Variants in RBFOX1 observed in about 807,000 individuals in gnomAD.
The protein encoded by RBFOX1 is RNA binding protein fox-1 homolog 1.
RBFOX1 carries 8 observed loss-of-function variants against 57.7 expected under a neutral mutation model. The observed-to-expected ratio is 0.14, with a 90% CI of 0.08 to 0.25. RBFOX1 has a LOEUF of 0.25. RBFOX1 is among the 10% of genes least tolerant of loss of function. The probability of loss-of-function intolerance (pLI) is 1.00; values close to 1 mark genes in which losing one functional copy is unlikely to be tolerated. For missense variants in RBFOX1, 611 were observed against 548.5 expected, an observed-to-expected ratio of 1.11 and a Z score of -1.14; for synonymous variants, 326 against 222.4, an observed-to-expected ratio of 1.47 and a Z score of -4.15.
chr16:6,904,310 C>T (rs1283790914), intron 3 of RBFOX1, among the ~76,000 whole-genome samples: 1 of 151,978 alleles, frequency 6.6e-6, no homozygotes, highest in Non-Finnish European at 1.5e-5. Context: ...TGAAACCCAT[C>T]CATCTTTAGG....
At chr16:6,179,995 G>A (rs914953061) in intron 1 of RBFOX1, among the ~76,000 whole-genome samples, 3 of 152,178 alleles carry the variant, frequency 2.0e-5, no homozygotes, top group Middle Eastern at 3.2e-3. Context: ...TATGGTGTAT[G>A]TCAGGGTTTA....
intron 3 of RBFOX1, among the ~76,000 whole-genome samples, chr16:6,756,855 G>A (rs1989023): frequency 0.93 from 141,845 of 151,950 alleles, 66,992 homozygotes; most frequent in East Asian, 1. Flanking sequence ...GACACCTGTA[G>A]TCACAGCTCC....
intron 2 of RBFOX1, among the ~76,000 whole-genome samples, chr16:6,501,361 A>G (rs1312667050): frequency 7.4e-6 from 1 of 134,816 alleles, no homozygotes; most frequent in African/African-American, 2.9e-5. Context: ...TCACTGTTCA[A>G]TTCCCACCTA....
intron 5 of RBFOX1, among the ~76,000 whole-genome samples, chr16:7,541,669 G>T (rs1298958580): frequency 6.6e-6 from 1 of 152,170 alleles, no homozygotes; most frequent in African/African-American, 2.4e-5. Flanking sequence ...TTTCGGGAAA[G>T]CTCAAAAGAA....
intron 3 of RBFOX1, among the ~76,000 whole-genome samples, chr16:6,866,539 C>CTTTTT (rs1161474639): frequency 2.0e-5 from 1 of 49,090 alleles, no homozygotes; most frequent in African/African-American, 1.2e-4. Flanking sequence ...TTCTTTCCTT[C>CTTTTT]TATTTTTTTT....
intron 10 of RBFOX1, among the ~76,000 whole-genome samples, chr16:7,615,750 C>G (rs1053000238): frequency 6.6e-6 from 1 of 152,062 alleles, no homozygotes; most frequent in Non-Finnish European, 1.5e-5. Context: ...GAGTGTTGTT[C>G]ACTGCTGACA....
At position 5,946,188 on chromosome 16, in the gene RBFOX1, C is replaced by A. The variant is rs117990389; in HGVS notation, c.351+78853C>A. On this transcript the variant is annotated intron_variant, in intron 4 of 19. Transcript: ENST00000641259. This position sits in a 1 kb window ranked among gnomAD's most constrained non-coding sequence, Gnocchi z 4.6. Reference sequence around the variant, plus strand: ...TGTGATGGAAAGTGCACAGACGGCCCGAGGTGGGGGCCAGGCTCTGCCACA... The same window carrying A: ...TGTGATGGAAAGTGCACAGACGGCCAGAGGTGGGGGCCAGGCTCTGCCACA... 2.0e-5 allele frequency among the ~76,000 whole-genome samples: 3 copies of A among 152,116 alleles called. No homozygotes were observed. The highest frequency in any genetic ancestry group is 4.4e-5 in the Non-Finnish European group (3 of 68,020).
intron 2 of RBFOX1, chr16:6,483,846 T>A (rs1323199340): frequency 8.3e-7 from 1 of 1,208,666 alleles, no homozygotes; most frequent in African/African-American, 1.6e-5. Flanking sequence ...TGGCCGTGGA[T>A]GGAATCCGGG....
At chr16:6,118,467 T>C (rs970676370) in intron 1 of RBFOX1, among the ~76,000 whole-genome samples, 1 of 152,176 alleles carries the variant, frequency 6.6e-6, no homozygotes, top group Non-Finnish European at 1.5e-5. Context: ...CTTGTTGCCA[T>C]GTCATCACAC....
intron 3 of RBFOX1, among the ~76,000 whole-genome samples, chr16:6,903,731 A>AG (rs1242456033): frequency 6.6e-6 from 1 of 152,066 alleles, no homozygotes; most frequent in Admixed American, 6.5e-5. Context: ...AGGGACTAAT[A>AG]GGACCTCAAA....
intron 3 of RBFOX1, among the ~76,000 whole-genome samples, chr16:5,702,404 C>T (rs902706541): frequency 6.6e-6 from 1 of 152,186 alleles, no homozygotes; most frequent in African/African-American, 2.4e-5. Context: ...AGTCACCTCC[C>T]ACCGTGTCCC....
In RBFOX1 at chr16:6,817,251, C is replaced by T. The variant is rs544870405; in HGVS notation, c.-16+162601C>T. ...AGATTTTAAAGTGGAATCAGACACC[C>T]AGGTAACATACTTCTGACCACCTTA... On this transcript the variant is annotated intron_variant, in intron 3 of 15. Transcript: ENST00000550418. Among the ~76,000 whole-genome samples the T allele has an allele frequency of 4.6e-5, 7 of 152,190 alleles. No homozygotes were observed. In the East Asian group the frequency reaches 1.4e-3, roughly 29 times the overall value.
chr16:5,280,409 G>A lies in RBFOX1; in HGVS notation c.219+40304G>A, dbSNP rs141911522. 3.7e-3 allele frequency among the ~76,000 whole-genome samples: 565 copies of A among 152,214 alleles called. 4 individuals are homozygous for A. Among genetic ancestry groups the A allele is most frequent in the African/African-American group, 0.013 (542 of 41,532 alleles). On this transcript the variant is annotated intron_variant, in intron 1 of 2. Coordinates refer to the RBFOX1 transcript ENST00000585867. ...GCCTGTAGTTTTCTCTTTTTGTTGT[G>A]TCCTTGTCTTGATTGGATATCAGGG...
chr16:6,297,767 C>A (rs1046163841), intron 1 of RBFOX1, among the ~76,000 whole-genome samples: 3 of 152,040 alleles, frequency 2.0e-5, no homozygotes, highest in East Asian at 3.9e-4. Context: ...AATGGCATGG[C>A]AGAAAGAAGA....
At chr16:5,963,374 C>T (rs557678809) in intron 4 of RBFOX1, among the ~76,000 whole-genome samples, 9 of 152,262 alleles carry the variant, frequency 5.9e-5, no homozygotes, top group Admixed American at 1.3e-4. Context: ...GAGTGTTATA[C>T]GCCAGGTTTA....
At chr16:6,472,849 TC>T (rs1486337317) in intron 2 of RBFOX1, among the ~76,000 whole-genome samples, 1 of 152,060 alleles carries the variant, frequency 6.6e-6, no homozygotes, top group Non-Finnish European at 1.5e-5. Flanking sequence ...GGTCTCGAAC[TC>T]CCAACCTTAT....
intron 3 of RBFOX1, among the ~76,000 whole-genome samples, chr16:6,800,948 C>T (rs118013941): frequency 6.6e-6 from 1 of 152,024 alleles, no homozygotes; most frequent in Non-Finnish European, 1.5e-5. Flanking sequence ...GTTTGAGTAT[C>T]TCTCAAGGGT....
At chr16:7,142,021 C>T (rs1016858660) in intron 4 of RBFOX1, among the ~76,000 whole-genome samples, 8 of 139,050 alleles carry the variant, frequency 5.8e-5, no homozygotes, top group Admixed American at 5.4e-4. Flanking sequence ...CTTCCTTCTT[C>T]CTTCTTTCTT....
At chr16:7,568,354 T>C (rs2092357917) in intron 5 of RBFOX1, among the ~76,000 whole-genome samples, 1 of 152,132 alleles carries the variant, frequency 6.6e-6, no homozygotes, top group African/African-American at 2.4e-5. Context: ...TTAGACCACA[T>C]AGGGTAACCT....
Sources: gnomAD v4.1 joint callset for allele counts (sites outside exome capture counted in the v4.1 genomes callset) on GRCh38, gnomAD v4.1.1 for gene constraint, Gnocchi (gnomAD v3.1) non-coding constraint, MANE v1.5 for transcripts, NCBI Gene and HGNC (gene_info 2026-07-23, HGNC 2026-07-21) for gene names.